The following ARHGEF25 variants were observed in gnomAD, a reference collection of about 807,000 sequenced individuals.
ARHGEF25 encodes Rho guanine nucleotide exchange factor 25.
ARHGEF25 carries 42 observed loss-of-function variants against 74.0 expected under a neutral mutation model. The observed-to-expected ratio is 0.57, with a 90% CI of 0.44 to 0.73. The LOEUF (loss-of-function observed/expected upper bound fraction) is 0.73. Ranked by LOEUF, ARHGEF25 falls within the 30% of genes least tolerant of loss-of-function variation. The pLI, the probability that ARHGEF25 is intolerant of heterozygous loss-of-function variation, is 0.00. For missense variants in ARHGEF25, 645 were observed against 725.5 expected (o/e 0.89, Z 1.27); for synonymous variants, 293 against 278.6 (o/e 1.05, Z -0.51).
rs1565728317 is a variant in ARHGEF25, at chr12:57,615,821, CTA to C, written c.1240-14_1240-13del. 3 of 1,612,828 alleles carry C rather than the reference CTA, an allele frequency of 1.9e-6. No individual in the cohort carries two copies. Among genetic ancestry groups the C allele is most frequent in the Non-Finnish European group, 2.5e-6 (3 of 1,179,144 alleles). ...GCCTGAGGAATCTGGGGGCTGTCTC[CTA>C]TCTGCCAATTCAGGTGAGCTGCCTG... On this transcript the variant is annotated splice_polypyrimidine_tract_variant and intron_variant, in intron 12 of 14. Coordinates refer to ENST00000286494, the MANE Select transcript of ARHGEF25 (RefSeq NM_182947.4).
rs1350372396 is a variant in ARHGEF25, at chr12:57,614,520, G to A, written c.731G>A (p.Arg244His). 5 of 1,613,964 alleles carry A rather than the reference G, an allele frequency of 3.1e-6. No homozygotes were observed. Among genetic ancestry groups the A allele is most frequent in the East Asian group, 2.2e-5 (1 of 44,870 alleles). The stretch of plus-strand genomic sequence containing the variant: ...CTTAAACATTACCCCTGTTAGGAGC[G>A]CCGGCTGCATATGTATGTGGTGTAC... ...WLAQLFIKHERRLHMYVVYCQ... is the reference protein window; with the variant it reads ...WLAQLFIKHEHRLHMYVVYCQ... The change falls in exon 8 of 15, where the codon CGC becomes CAC. Residue 244 changes from arginine (R) to histidine (H), a missense_variant. Around this residue, in one of 3 missense-constraint regions of ARHGEF25, gnomAD observed 194 missense variants for 269.4 expected, o/e 0.72. Transcript: ENST00000286494. This position sits in a 1 kb window ranked among gnomAD's most constrained non-coding sequence, Gnocchi z 4.6.
At chr12:57,616,558 A>G (rs1443519643) in intron 14 of ARHGEF25, 63 bp downstream of exon 14, 5 of 1,497,064 alleles carry the variant, frequency 3.3e-6, no homozygotes, top group Non-Finnish European at 3.6e-6. Context: ...TTGTTCTGGG[A>G]CCCCAAGTTC....
chr12:57,614,187 C>G lies in ARHGEF25; in HGVS notation c.656+68C>G. On this transcript the variant is annotated intron_variant, in intron 6 of 14. Transcript: ENST00000286494. The surrounding 1 kb of genome is among the most constrained non-coding windows in gnomAD (Gnocchi z 4.6). ...CTCATCTGGTTGTCCTGTATCCTAA[C>G]ATCAGCCCATTGCGACTTAAGGAAT... is the stretch of plus-strand genomic sequence containing the variant. 1 of 1,589,148 alleles carries G rather than the reference C, an allele frequency of 6.3e-7. No homozygotes were observed. The highest frequency in any genetic ancestry group is 8.6e-7 in the Non-Finnish European group (1 of 1,157,804).
upstream of ARHGEF25, chr12:57,610,223 C>A: frequency 2.5e-6 from 4 of 1,591,832 alleles, no homozygotes; most frequent in South Asian, 4.5e-5. Flanking sequence ...CAGTATGAAG[C>A]CCCCGGACCG....
chr12:57,616,513 C>G lies in ARHGEF25; in HGVS notation c.1632+18C>G. On this transcript the variant is annotated intron_variant, in intron 14 of 14. Coordinates refer to ENST00000286494, the MANE Select transcript of ARHGEF25 (RefSeq NM_182947.4). ...ATAAACAGGTATGACGAATAGAGCT[C>G]CCTCATTGTAGGGATAAAAAGGGGA... 1 of 1,609,054 alleles carries G rather than the reference C, an allele frequency of 6.2e-7. No individual in the cohort carries two copies. The highest frequency in any genetic ancestry group is 1.3e-5 in the African/African-American group (1 of 74,870).
At chr12:57,610,671 G>C, upstream of ARHGEF25, 1 of 1,608,870 alleles carries the variant, frequency 6.2e-7, no homozygotes, top group Admixed American at 1.7e-5. Flanking sequence ...TCCTCGCCGG[G>C]GCTCTGCAGC....
chr12:57,613,049 G>A lies in ARHGEF25; in HGVS notation c.217G>A (p.Gly73Arg). The change falls in exon 2 of 15, where the codon GGG (glycine) becomes AGG (arginine). Residue 73 changes from glycine (G) to arginine (R), a missense_variant. Gly to Arg is a moderately radical substitution (Grantham distance 125, BLOSUM62 -2). Coordinates refer to ENST00000286494, the MANE Select transcript of ARHGEF25 (RefSeq NM_182947.4). ...TGGCCCCTGTTCCCCAGGCCCCCCA[G>A]GGCCCGTCAGTGGCCTGAGGAGATG... The part of the protein sequence containing the change: ...SSGPCSPGPP[G>R]PVSGLRRWLD... The A allele has an allele frequency of 1.2e-6, 2 of 1,614,148 alleles. No individual in the cohort carries two copies. Among genetic ancestry groups the A allele is most frequent in the Non-Finnish European group, 1.7e-6 (2 of 1,179,988 alleles).
At chr12:57,610,372 G>A (rs1309352659), upstream of ARHGEF25, 2 of 1,298,840 alleles carry the variant, frequency 1.5e-6, no homozygotes, top group African/African-American at 1.5e-5. Flanking sequence ...CAGGAGGGCT[G>A]CACCCACAAC....
rs1415098293 is a variant in ARHGEF25, at chr12:57,613,020, G to C, written c.188G>C (p.Ser63Thr). 1 of 1,614,180 alleles carries C rather than the reference G, an allele frequency of 6.2e-7. No individual in the cohort carries two copies. The highest frequency in any genetic ancestry group is 1.1e-5 in the South Asian group (1 of 91,090). Residue 63 changes from serine to threonine, a missense_variant, in exon 2 of 15, where the codon AGC becomes ACC. Physicochemically the swap from Ser to Thr is moderately conservative, Grantham distance 58. This residue lies in a region of ARHGEF25 where 189 missense variants were observed against 199.1 expected (regional missense o/e 0.95). Coordinates refer to ENST00000286494, the MANE Select transcript of ARHGEF25 (RefSeq NM_182947.4). ...AAPSGPSSGL[S>T]SGPCSPGPPG... ...CCCTCTGGCCCCAGCTCTGGCCTCA[G>C]CTCTGGCCCCTGTTCCCCAGGCCCC...
chr12:57,610,700 TG>T, upstream of ARHGEF25: 1 of 1,600,818 alleles, frequency 6.2e-7, no homozygotes, highest in Non-Finnish European at 8.5e-7. Flanking sequence ...AAGCTGGGGG[TG>T]GGGTGGGGCA....
chr12:57,617,082 A>G lies in ARHGEF25; in HGVS notation c.*188A>G, dbSNP rs1031400101. 9.5e-5 allele frequency: 19 copies of G among 200,364 alleles called. No individual in the cohort carries two copies. Among genetic ancestry groups the G allele is most frequent in the African/African-American group, 6.0e-4 (19 of 31,506 alleles). The allele number at this position is 200,364 out of a possible 1,614,324, so 12.4% of individuals were successfully genotyped here. Reference sequence around the variant, plus strand: ...GGACTTTTTTCTGCCCAAGGAACACAGTTTCCTTCAGCTCCCATCCCTATG... The same window carrying G: ...GGACTTTTTTCTGCCCAAGGAACACGGTTTCCTTCAGCTCCCATCCCTATG... On this transcript the variant is annotated 3_prime_UTR_variant, in exon 15 of 15. Coordinates refer to ENST00000286494, the MANE Select transcript of ARHGEF25 (RefSeq NM_182947.4).
At position 57,614,506 on chromosome 12, in the gene ARHGEF25, C is replaced by A; in HGVS notation, c.727-10C>A. 2 of 1,614,120 alleles carry A rather than the reference C, an allele frequency of 1.2e-6. No individual in the cohort carries two copies. The highest frequency in any genetic ancestry group is 1.7e-6 in the Non-Finnish European group (2 of 1,180,014). ...CCACCCTGCTCTCTCTTAAACATTA[C>A]CCCTGTTAGGAGCGCCGGCTGCATA... On this transcript the variant is annotated splice_polypyrimidine_tract_variant and intron_variant, in intron 7 of 14. Transcript: ENST00000286494. This position sits in a 1 kb window ranked among gnomAD's most constrained non-coding sequence, Gnocchi z 4.6.
At position 57,611,467 on chromosome 12, in the gene ARHGEF25, G is replaced by A; in HGVS notation, c.-428G>A. ...TCTCCGCTCCGCTGGGACCCGCACA[G>A]CGCCAGTGGCTCGGGGGTCGGCCCT... On this transcript the variant is annotated 5_prime_UTR_variant, in exon 1 of 15. Transcript: ENST00000286494. This position sits in a 1 kb window ranked among gnomAD's most constrained non-coding sequence, Gnocchi z 4.5. 1.0e-6 allele frequency: 1 copy of A among 985,618 alleles called. No individual in the cohort carries two copies. Among genetic ancestry groups the A allele is most frequent in the Non-Finnish European group, 1.2e-6 (1 of 830,110 alleles). 61.1% of individuals were successfully genotyped at this position (985,618 alleles called of 1,614,324 possible). A position where few individuals can be genotyped will look rare whatever the true frequency, so the allele number is the denominator to read the frequency against.
At position 57,612,123 on chromosome 12, in the gene ARHGEF25, T is replaced by G. The variant is rs1884082384; in HGVS notation, c.97+132T>G. On this transcript the variant is annotated intron_variant, in intron 1 of 14. Transcript: ENST00000286494. Reference sequence around the variant, plus strand: ...TTTTCCAGGAAAGTGGTTTCTTAAGTGATCCCTAAGGTCCCTTCTGCCTCC... The same window carrying G: ...TTTTCCAGGAAAGTGGTTTCTTAAGGGATCCCTAAGGTCCCTTCTGCCTCC... 3 of 685,916 alleles carry G rather than the reference T, an allele frequency of 4.4e-6. No homozygotes were observed. The African/African-American group carries it at 5.5e-5, about 13-fold the overall frequency. 42.5% of individuals were successfully genotyped at this position (685,916 alleles called of 1,614,324 possible).
At position 57,614,245 on chromosome 12, in the gene ARHGEF25, G is replaced by A; in HGVS notation, c.657-86G>A. The A allele has an allele frequency of 6.3e-7, 1 of 1,580,728 alleles. No individual in the cohort carries two copies. The highest frequency in any genetic ancestry group is 8.7e-7 in the Non-Finnish European group (1 of 1,150,242). The stretch of plus-strand genomic sequence containing the variant: ...GAAGTTTTGTAGGGCACACTACCAG[G>A]GCAGACAGCTCGAAACTGCTGGGAG... On this transcript the variant is annotated intron_variant, in intron 6 of 14. Transcript: ENST00000286494. The surrounding 1 kb of genome is among the most constrained non-coding windows in gnomAD (Gnocchi z 4.6).
Position 57,615,234 on chromosome 12 carries a change from C to A in ARHGEF25, c.961-3C>A. The A allele has an allele frequency of 6.3e-7, 1 of 1,591,374 alleles. No homozygotes were observed. Among genetic ancestry groups the A allele is most frequent in the Non-Finnish European group, 8.5e-7 (1 of 1,170,174 alleles). On this transcript the variant is annotated splice_region_variant and splice_polypyrimidine_tract_variant and intron_variant, in intron 10 of 14. Coordinates refer to ENST00000286494, the MANE Select transcript of ARHGEF25 (RefSeq NM_182947.4). ...CAATGCGCCTCCCTCACCTGTGTCCCAGCAAGCTGTGGAGGTCATGTGCTT... is the reference window on the plus strand; with the variant it reads ...CAATGCGCCTCCCTCACCTGTGTCCAAGCAAGCTGTGGAGGTCATGTGCTT...
upstream of ARHGEF25, chr12:57,610,456 C>A: frequency 1.8e-6 from 2 of 1,103,904 alleles, no homozygotes; most frequent in Non-Finnish European, 2.6e-6. Flanking sequence ...GCCATAGCCC[C>A]GTTCTGGGCG....
At position 57,614,752 on chromosome 12, in the gene ARHGEF25, C is replaced by T. The variant is rs768526101; in HGVS notation, c.880C>T (p.Arg294Trp). Residue 294 changes from arginine to tryptophan, a missense_variant, in exon 9 of 15, where the codon CGG (arginine) becomes TGG (tryptophan). Coordinates refer to ENST00000286494, the MANE Select transcript of ARHGEF25 (RefSeq NM_182947.4). This position sits in a 1 kb window ranked among gnomAD's most constrained non-coding sequence, Gnocchi z 4.6. ...LNDLLIKPVQRIMKYQLLLKD... is the reference protein window; with the variant it reads ...LNDLLIKPVQWIMKYQLLLKD... ...CGACCTCCTCATCAAACCTGTGCAG[C>T]GGATCATGAAATACCAGCTGCTGCT... is the stretch of plus-strand genomic sequence containing the variant. The T allele has an allele frequency of 3.1e-6, 5 of 1,611,958 alleles. No individual in the cohort carries two copies. Among genetic ancestry groups the T allele is most frequent in the African/African-American group, 1.3e-5 (1 of 74,836 alleles).
chr12:57,610,715 T>C (rs755398260), upstream of ARHGEF25: 4 of 1,569,342 alleles, frequency 2.5e-6, no homozygotes, highest in Non-Finnish European at 2.6e-6. Context: ...TGGGGCACAG[T>C]TTGCTATCCT....
Sources: allele counts gnomAD v4.1 joint callset, GRCh38; gene constraint gnomAD v4.1.1; regional missense constraint gnomAD v4.1.1; non-coding constraint Gnocchi (gnomAD v3.1); transcripts MANE v1.5; gene names NCBI Gene and HGNC (gene_info 2026-07-23, HGNC 2026-07-21).